The following CXCL13 variants were observed in gnomAD, a reference collection of about 807,000 sequenced individuals.
CXCL13 encodes C-X-C motif chemokine ligand 13.
A neutral mutation model predicts 12.2 loss-of-function variants in CXCL13; 7 were observed. That is an observed-to-expected ratio of 0.57 (90% confidence interval 0.33 to 1.07). The LOEUF (loss-of-function observed/expected upper bound fraction) is 1.07. CXCL13 is among the 50% of genes least tolerant of loss of function. The pLI is 0.04. For missense variants in CXCL13, 113 were observed against 127.4 expected (o/e 0.89, Z 0.55); for synonymous variants, 47 against 42.4 (o/e 1.11, Z -0.42).
At chr4:77,534,250 A>G (rs529294248) in intron 1 of CXCL13, among the ~76,000 whole-genome samples, 4 of 152,166 alleles carry the variant, frequency 2.6e-5, no homozygotes, top group East Asian at 1.9e-4. Context: ...ACTCCTGGGC[A>G]TTCATCCCAC....
chr4:77,582,900 C>A (rs1441909329), intron 1 of CXCL13, among the ~76,000 whole-genome samples: 1 of 152,134 alleles, frequency 6.6e-6, no homozygotes, highest in Non-Finnish European at 1.5e-5. Flanking sequence ...ACTTTTGGAA[C>A]ACCAACCAAA....
intron 1 of CXCL13, among the ~76,000 whole-genome samples, chr4:77,554,071 A>G (rs981787685): frequency 1.3e-5 from 2 of 152,232 alleles, no homozygotes; most frequent in Middle Eastern, 6.8e-3. Context: ...TTAAATATAC[A>G]CAATAAAATT....
At chr4:77,564,508 A>T (rs1463929700) in intron 1 of CXCL13, among the ~76,000 whole-genome samples, 1 of 152,194 alleles carries the variant, frequency 6.6e-6, no homozygotes, top group Non-Finnish European at 1.5e-5. Context: ...GTTCCTGATG[A>T]TATCCAGCAT....
chr4:77,588,259 T>C (rs955045557), intron 1 of CXCL13, among the ~76,000 whole-genome samples: 2 of 152,218 alleles, frequency 1.3e-5, no homozygotes, highest in African/African-American at 4.8e-5. Context: ...TCAAATGTGA[T>C]TGAGAATTTG....
chr4:77,608,213 G>T (rs750511279), intron 2 of CXCL13, among the ~76,000 whole-genome samples: 1 of 152,194 alleles, frequency 6.6e-6, no homozygotes, highest in South Asian at 2.1e-4. Flanking sequence ...GGCCGAGGAG[G>T]GCGGATCACC....
intron 1 of CXCL13, among the ~76,000 whole-genome samples, chr4:77,580,118 G>C (rs77919344): frequency 0.016 from 2,379 of 152,068 alleles, 71 homozygotes; most frequent in African/African-American, 0.055. Flanking sequence ...GGAAGGGGAT[G>C]AATGGTGAGA....
At chr4:77,593,889 A>G (rs1247752192) in intron 1 of CXCL13, among the ~76,000 whole-genome samples, 1 of 152,202 alleles carries the variant, frequency 6.6e-6, no homozygotes, top group Non-Finnish European at 1.5e-5. Flanking sequence ...AAGTGAAAAG[A>G]CAGGGGTATT....
At chr4:77,519,832 A>G (rs1458754870) in intron 1 of CXCL13, among the ~76,000 whole-genome samples, 6 of 152,028 alleles carry the variant, frequency 3.9e-5, no homozygotes, top group Non-Finnish European at 8.8e-5. Context: ...TTCTTCTAGG[A>G]TTTTTATGAT....
At chr4:77,571,090 C>T (rs1055353990) in intron 1 of CXCL13, among the ~76,000 whole-genome samples, 6 of 152,118 alleles carry the variant, frequency 3.9e-5, no homozygotes, top group East Asian at 1.9e-4. Flanking sequence ...TCTGCAGCCC[C>T]GGTGTGGGAT....
At chr4:77,610,780 T>A in intron 3 of CXCL13, 86 bp downstream of exon 3, 1 of 1,056,980 alleles carries the variant, frequency 9.5e-7, no homozygotes, top group Admixed American at 1.8e-5. Flanking sequence ...GGGACTAGCT[T>A]GAATTTATGA....
intron 1 of CXCL13, among the ~76,000 whole-genome samples, chr4:77,567,956 C>T (rs527824727): frequency 6.6e-6 from 1 of 152,298 alleles, no homozygotes; most frequent in South Asian, 2.1e-4. Flanking sequence ...TATTCCTTTA[C>T]TTTCCTTTAC....
At chr4:77,520,065 T>C (rs1724548958) in intron 1 of CXCL13, among the ~76,000 whole-genome samples, 1 of 152,200 alleles carries the variant, frequency 6.6e-6, no homozygotes, top group African/African-American at 2.4e-5. Flanking sequence ...TTCTGTTCCA[T>C]TGGTCTATAT....
chr4:77,530,357 G>A (rs942613167), intron 1 of CXCL13, among the ~76,000 whole-genome samples: 2 of 152,174 alleles, frequency 1.3e-5, no homozygotes, highest in Non-Finnish European at 1.5e-5. Flanking sequence ...AATGGTACCA[G>A]CTCCTCCTTG....
At chr4:77,536,187 G>T (rs764342988) in intron 1 of CXCL13, among the ~76,000 whole-genome samples, 1 of 151,998 alleles carries the variant, frequency 6.6e-6, no homozygotes, top group Non-Finnish European at 1.5e-5. Flanking sequence ...GGCAAAACTG[G>T]CAGATATCCA....
intron 1 of CXCL13, among the ~76,000 whole-genome samples, chr4:77,586,664 A>G (rs572073008): frequency 6.6e-6 from 1 of 152,258 alleles, no homozygotes; most frequent in East Asian, 1.9e-4. Context: ...CGACTTTCTG[A>G]TGGACTGCTA....
At chr4:77,530,847 GTTCTT>G in intron 1 of CXCL13, among the ~76,000 whole-genome samples, 1 of 152,006 alleles carries the variant, frequency 6.6e-6, no homozygotes, top group East Asian at 1.9e-4. Context: ...TGCTTCTCTA[GTTCTT>G]TTAATTGTGA....
intron 1 of CXCL13, among the ~76,000 whole-genome samples, chr4:77,547,959 C>G (rs1031273882): frequency 6.6e-5 from 10 of 152,004 alleles, no homozygotes; most frequent in Admixed American, 6.6e-4. Flanking sequence ...ATTTGCTTGT[C>G]TGTACAGGAT....
intron 1 of CXCL13, among the ~76,000 whole-genome samples, chr4:77,596,808 A>C (rs1320933738): frequency 6.6e-6 from 1 of 151,656 alleles, no homozygotes; most frequent in African/African-American, 2.4e-5. Flanking sequence ...AAAAAAGAAA[A>C]GAAAAAGAAG....
At chr4:77,533,287 G>A (rs894942259) in intron 1 of CXCL13, among the ~76,000 whole-genome samples, 2 of 152,242 alleles carry the variant, frequency 1.3e-5, no homozygotes, top group Non-Finnish European at 2.9e-5. Flanking sequence ...GTTGGAGTTT[G>A]CTGGAGGTCT....
Sources: allele counts gnomAD v4.1 joint callset (sites outside exome capture counted in the v4.1 genomes callset), GRCh38; gene constraint gnomAD v4.1.1; transcripts MANE v1.5; gene names NCBI Gene and HGNC (gene_info 2026-07-23, HGNC 2026-07-21).